QSOX1: variants seen among roughly 807,000 people sequenced by gnomAD.
QSOX1 encodes sulfhydryl oxidase 1.
In QSOX1, 40 loss-of-function variants were observed where a neutral mutation model predicts 76.1. The observed-to-expected ratio is 0.53, with a 90% CI of 0.41 to 0.68. The LOEUF is 0.68. Ranked by LOEUF, QSOX1 falls within the 30% of genes least tolerant of loss-of-function variation. The pLI, the probability that QSOX1 is intolerant of heterozygous loss-of-function variation, is 0.00. For missense variants in QSOX1, 931 were observed against 974.3 expected, an observed-to-expected ratio of 0.96 and a Z score of 0.59; for synonymous variants, 392 against 413.1, an observed-to-expected ratio of 0.95 and a Z score of 0.62.
chr1:180,183,858 G>A, intron 6 of QSOX1, 58 bp from the exon 7 acceptor site: 1 of 1,529,696 alleles, frequency 6.5e-7, no homozygotes. Context: ...ACATTGGTTA[G>A]CTCTAATCTT....
chr1:180,163,699 G>A (rs1394294981), intron 1 of QSOX1, among the ~76,000 whole-genome samples: 1 of 152,188 alleles, frequency 6.6e-6, no homozygotes, highest in Non-Finnish European at 1.5e-5. Flanking sequence ...AACCGTAAGA[G>A]GAGGCTGGAT....
In QSOX1 at chr1:180,198,114, G is replaced by A. The variant is rs1461438162; in HGVS notation, c.*1077G>A. 2.2e-6 allele frequency: 1 copy of A among 450,622 alleles called. No individual in the cohort carries two copies. 27.9% of individuals were successfully genotyped at this position (450,622 alleles called of 1,614,324 possible). On this transcript the variant is annotated 3_prime_UTR_variant, in exon 12 of 12. Transcript: ENST00000367602. ...GAATGCACAGAGACCAGCCTCACCT[G>A]GAATGCAGCCAGACTCGATGTCCCT...
chr1:180,161,319 C>T (rs1662488906), intron 1 of QSOX1, among the ~76,000 whole-genome samples: 4 of 152,150 alleles, frequency 2.6e-5, no homozygotes, highest in South Asian at 4.1e-4. Context: ...TAGAACTTAT[C>T]GATAAGGAAT....
intron 6 of QSOX1, among the ~76,000 whole-genome samples, chr1:180,183,298 G>A (rs1663084975): frequency 6.6e-6 from 1 of 152,186 alleles, no homozygotes; most frequent in African/African-American, 2.4e-5. Flanking sequence ...TGCCCTGGCT[G>A]TGGGTGAGAG....
At position 180,196,242 on chromosome 1, in the gene QSOX1, G is replaced by T. The variant is rs1206576375; in HGVS notation, c.1469-20G>T. 1 of 1,595,670 alleles carries T rather than the reference G, an allele frequency of 6.3e-7. No homozygotes were observed. The highest frequency in any genetic ancestry group is 1.7e-5 in the Admixed American group (1 of 59,372). The stretch of plus-strand genomic sequence containing the variant: ...GTGGGACTGATGTCACCACCAGCCT[G>T]TGTATGCTTCCCTCTGTAGGTGCCC... On this transcript the variant is annotated intron_variant, in intron 11 of 11. Coordinates refer to ENST00000367602, the MANE Select transcript of QSOX1 (RefSeq NM_002826.5). This position sits in a 1 kb window ranked among gnomAD's most constrained non-coding sequence, Gnocchi z 4.1.
chr1:180,183,715 G>A (rs1384347489), intron 6 of QSOX1, among the ~76,000 whole-genome samples: 2 of 152,202 alleles, frequency 1.3e-5, no homozygotes, highest in Admixed American at 6.5e-5. Flanking sequence ...GCTTTCCAGA[G>A]CATGTGCAGT....
chr1:180,189,329 T>TACC (rs1663249387), intron 8 of QSOX1, among the ~76,000 whole-genome samples: 1 of 152,164 alleles, frequency 6.6e-6, no homozygotes, highest in African/African-American at 2.4e-5. Flanking sequence ...TACCCTGTCT[T>TACC]CTAGCCTTAC....
chr1:180,182,335 C>T lies in QSOX1; in HGVS notation c.752+16C>T. The T allele has an allele frequency of 6.2e-7, 1 of 1,614,006 alleles. No homozygotes were observed. The highest frequency in any genetic ancestry group is 8.5e-7 in the Non-Finnish European group (1 of 1,179,900). ...GAGTCCCCGTGTGAGTATCCTGTCT[C>T]CTGGCGTCCCCTCTCGTCCCTCCCT... is the stretch of plus-strand genomic sequence containing the variant. On this transcript the variant is annotated intron_variant, in intron 6 of 11. Coordinates refer to ENST00000367602, the MANE Select transcript of QSOX1 (RefSeq NM_002826.5).
At position 180,200,715 on chromosome 1, in the gene QSOX1, A is replaced by G. The variant is rs1419517595; in HGVS notation, c.*3678A>G. On this transcript the variant is annotated 3_prime_UTR_variant, in exon 12 of 12. Transcript: ENST00000367602. ...CCACCAAAATAAATACATTTGCCCTATTCTCCCAAATGGTGAGAGGTAGAT... is the reference window on the plus strand; with the variant it reads ...CCACCAAAATAAATACATTTGCCCTGTTCTCCCAAATGGTGAGAGGTAGAT... 2.0e-5 allele frequency: 3 copies of G among 152,156 alleles called. No homozygotes were observed. Among genetic ancestry groups the G allele is most frequent in the Non-Finnish European group, 4.4e-5 (3 of 68,020 alleles). The allele number at this position is 152,156 out of a possible 1,614,324, so 9.4% of individuals were successfully genotyped here. A position where few individuals can be genotyped will look rare whatever the true frequency, so the allele number is the denominator to read the frequency against.
At chr1:180,183,828 C>A in intron 6 of QSOX1, 88 bp from the exon 7 acceptor site, 1 of 1,392,296 alleles carries the variant, frequency 7.2e-7, no homozygotes. Context: ...GTCCGATGAG[C>A]CACCCTTCTT....
intron 2 of QSOX1, among the ~76,000 whole-genome samples, chr1:180,170,928 G>A (rs1389781934): frequency 6.6e-6 from 1 of 152,210 alleles, no homozygotes; most frequent in African/African-American, 2.4e-5. Context: ...GTGAGTGGTG[G>A]ATTCAGGTTG....
chr1:180,157,213 A>G (rs1279308549), intron 1 of QSOX1, among the ~76,000 whole-genome samples: 1 of 152,248 alleles, frequency 6.6e-6, no homozygotes, highest in Non-Finnish European at 1.5e-5. Context: ...GGGAGATTTC[A>G]GTGGAAACTG....
intron 10 of QSOX1, among the ~76,000 whole-genome samples, chr1:180,193,262 G>A (rs571648839): frequency 1.2e-4 from 18 of 152,084 alleles, no homozygotes; most frequent in Middle Eastern, 3.4e-3. Flanking sequence ...GTGAGGAGTG[G>A]GGTAACCCGA....
chr1:180,175,416 C>T (rs745955065), intron 3 of QSOX1, 50 bp downstream of exon 3: 4 of 1,580,122 alleles, frequency 2.5e-6, no homozygotes, highest in East Asian at 2.2e-5. Flanking sequence ...CCCCCAACCT[C>T]CCTCTTCACC....
intron 1 of QSOX1, among the ~76,000 whole-genome samples, chr1:180,165,842 A>G (rs139078059): frequency 4.5e-4 from 69 of 152,318 alleles, no homozygotes; most frequent in Middle Eastern, 6.8e-3. Context: ...CTCTCTGCCA[A>G]TGTTTCAGCG....
chr1:180,166,429 G>A, intron 1 of QSOX1, 62 bp from the exon 2 acceptor site: 1 of 1,368,344 alleles, frequency 7.3e-7, no homozygotes, highest in Non-Finnish European at 1.0e-6. Context: ...CATTAGGGGA[G>A]ATGGGCGGGC....
intron 6 of QSOX1, among the ~76,000 whole-genome samples, 182 bp from the exon 7 acceptor site, chr1:180,183,734 G>C (rs1663097920): frequency 6.6e-6 from 1 of 152,226 alleles, no homozygotes; most frequent in Non-Finnish European, 1.5e-5. Flanking sequence ...GTGATTAGAA[G>C]GGTTACAGCG....
rs1012264371 is a variant in QSOX1, at chr1:180,181,336, A to C, written c.607-838A>C. ...CTGCCATTTGCAGATGGCCTGTCCGATTATGCTCAGAACTTCTCTTCCCAT... is the reference window on the plus strand; with the variant it reads ...CTGCCATTTGCAGATGGCCTGTCCGCTTATGCTCAGAACTTCTCTTCCCAT... On this transcript the variant is annotated intron_variant, in intron 5 of 11. Transcript: ENST00000367602. Among the ~76,000 whole-genome samples the C allele has an allele frequency of 2.0e-5, 3 of 152,170 alleles. No homozygotes were observed. The South Asian group carries it at 6.2e-4, about 32-fold the overall frequency.
At position 180,171,365 on chromosome 1, in the gene QSOX1, A is replaced by AG. The variant is rs1309061287; in HGVS notation, c.367-3951dup. On this transcript the variant is annotated intron_variant, in intron 2 of 11. Transcript: ENST00000367602. The stretch of plus-strand genomic sequence containing the variant: ...GAGGGGGATGGTGTGGGTGGCAGGG[A>AG]GGGGGACTGGTTGCTGGGTGAGGTA... Among the ~76,000 whole-genome samples the AG allele has an allele frequency of 1.0e-4, 13 of 124,726 alleles. No individual in the cohort carries two copies. In the South Asian group the frequency reaches 3.3e-3, roughly 32 times the overall value. The allele number at this position is 124,726 out of a possible 152,430, so 81.8% of individuals were successfully genotyped here.
Sources: gnomAD v4.1 joint callset for allele counts (sites outside exome capture counted in the v4.1 genomes callset) on GRCh38, gnomAD v4.1.1 for gene constraint, Gnocchi (gnomAD v3.1) non-coding constraint, MANE v1.5 for transcripts, NCBI Gene and HGNC (gene_info 2026-07-23, HGNC 2026-07-21) for gene names.